The following MOXD1 variants were observed in gnomAD, a reference collection of about 807,000 sequenced individuals.
MOXD1 encodes monooxygenase DBH like 1, also known as DBH-like monooxygenase protein 1.
A neutral mutation model predicts 66.6 loss-of-function variants in MOXD1; 62 were observed. The ratio of observed to expected loss-of-function variants is 0.93; its 90% CI spans 0.76 to 1.15. The LOEUF is 1.15. Ranked by LOEUF, MOXD1 falls within the 50% of genes most tolerant of loss-of-function variation. The pLI is 0.00. For missense variants in MOXD1, 847 were observed against 754.6 expected (o/e 1.12, Z -1.44); for synonymous variants, 303 against 281.9 (o/e 1.07, Z -0.75).
intron 4 of MOXD1, among the ~76,000 whole-genome samples, chr6:132,364,925 G>C (rs1483776910): frequency 6.6e-6 from 1 of 152,104 alleles, no homozygotes; most frequent in African/African-American, 2.4e-5. Context: ...CAGTTGCTCT[G>C]ACCCTGTAGG....
chr6:132,299,791 A>G (rs920132519), intron 10 of MOXD1, among the ~76,000 whole-genome samples: 2 of 152,228 alleles, frequency 1.3e-5, no homozygotes, highest in Non-Finnish European at 2.9e-5. Flanking sequence ...TAACATCCCA[A>G]GATGTTACAG....
At chr6:132,356,548 T>C (rs1392923379) in intron 4 of MOXD1, among the ~76,000 whole-genome samples, 1 of 152,200 alleles carries the variant, frequency 6.6e-6, no homozygotes, top group African/African-American at 2.4e-5. Flanking sequence ...CACCAATACA[T>C]AACGATATAC....
rs1369735508 is a variant in MOXD1 at position 132,401,223 on chromosome 6, C to G, written c.204G>C (p.Gly68=). Residue 68 remains glycine, a synonymous_variant, in exon 1 of 12, where the codon GGG becomes GGC. Coordinates refer to ENST00000367963, the MANE Select transcript of MOXD1 (RefSeq NM_015529.4). ...CGACGATGTCGGCGGACGCCATGGCCCCGGTGGGCGAGAAGCCGAAGCCCA... is the reference window on the plus strand; with the variant it reads ...CGACGATGTCGGCGGACGCCATGGCGCCGGTGGGCGAGAAGCCGAAGCCCA... The part of the protein sequence containing the change: ...GYVGFGFSPT[G]AMASADIVVG... 1 of 1,576,086 alleles carries G rather than the reference C, an allele frequency of 6.3e-7. No individual in the cohort carries two copies. The highest frequency in any genetic ancestry group is 1.7e-5 in the Admixed American group (1 of 57,464).
intron 4 of MOXD1, among the ~76,000 whole-genome samples, chr6:132,368,357 C>A (rs1776187184): frequency 6.6e-6 from 1 of 152,034 alleles, no homozygotes; most frequent in Admixed American, 6.6e-5. Flanking sequence ...AAGAGATGAC[C>A]TCACATGAGA....
At chr6:132,367,987 T>C (rs552136597) in intron 4 of MOXD1, among the ~76,000 whole-genome samples, 1 of 152,136 alleles carries the variant, frequency 6.6e-6, no homozygotes, top group Admixed American at 6.6e-5. Flanking sequence ...GTTTTTCTTT[T>C]TTTCTCCCCT....
chr6:132,372,256 G>A (rs1053270135), intron 4 of MOXD1, among the ~76,000 whole-genome samples: 6 of 152,100 alleles, frequency 3.9e-5, no homozygotes, highest in African/African-American at 1.4e-4. Flanking sequence ...GGTGAGGAAT[G>A]TAACCTTCAT....
intron 10 of MOXD1, among the ~76,000 whole-genome samples, chr6:132,303,385 G>C (rs988517849): frequency 6.6e-6 from 1 of 151,938 alleles, no homozygotes; most frequent in African/African-American, 2.4e-5. Context: ...GTTGCCCCTT[G>C]GTATCCATGG....
At chr6:132,356,927 T>TA (rs1775920343) in intron 4 of MOXD1, among the ~76,000 whole-genome samples, 1 of 152,080 alleles carries the variant, frequency 6.6e-6, no homozygotes, top group African/African-American at 2.4e-5. Context: ...AAGAGGGCAC[T>TA]ACTACTTTTT....
chr6:132,401,201 C>A lies in MOXD1; in HGVS notation c.226G>T (p.Val76Phe), dbSNP rs1562304615. ...CGCCCGTGGGCCACCCCGCCCACGA[C>A]GATGTCGGCGGACGCCATGGCCCCG... Reference protein sequence around the residue: ...PTGAMASADIVVGGVAHGRPY... With the variant: ...PTGAMASADIFVGGVAHGRPY... Residue 76 changes from valine to phenylalanine, a missense_variant, in exon 1 of 12, where the codon GTC becomes TTC. Transcript: ENST00000367963. 1 of 1,554,848 alleles carries A rather than the reference C, an allele frequency of 6.4e-7. No individual in the cohort carries two copies. The highest frequency in any genetic ancestry group is 8.6e-7 in the Non-Finnish European group (1 of 1,158,630).
intron 4 of MOXD1, among the ~76,000 whole-genome samples, chr6:132,360,810 A>C (rs1021928998): frequency 6.6e-6 from 1 of 152,216 alleles, no homozygotes; most frequent in African/African-American, 2.4e-5. Flanking sequence ...AGATACTCTG[A>C]TTCTTCCTCA....
At chr6:132,327,592 A>G (rs530552448) in intron 6 of MOXD1, among the ~76,000 whole-genome samples, 48 of 152,314 alleles carry the variant, frequency 3.2e-4, no homozygotes, top group African/African-American at 1.1e-3. Flanking sequence ...GAGTACATCT[A>G]TGGTTTGCTT....
At chr6:132,379,600 G>A (rs1019214067) in intron 1 of MOXD1, among the ~76,000 whole-genome samples, 19 of 152,108 alleles carry the variant, frequency 1.2e-4, no homozygotes, top group Non-Finnish European at 2.8e-4. Flanking sequence ...TTATATTTCT[G>A]TCTTCATATT....
chr6:132,312,862 T>C (rs1582563885), intron 10 of MOXD1, among the ~76,000 whole-genome samples: 1 of 151,832 alleles, frequency 6.6e-6, no homozygotes, highest in South Asian at 2.1e-4. Context: ...AACATACAGC[T>C]TTTAATATCC....
At position 132,333,555 on chromosome 6, in the gene MOXD1, C is replaced by G. The variant is rs186655482; in HGVS notation, c.664-4961G>C. On this transcript the variant is annotated intron_variant, in intron 4 of 11. Coordinates refer to ENST00000367963, the MANE Select transcript of MOXD1 (RefSeq NM_015529.4). Reference sequence around the variant, plus strand: ...AATATAGATATATTGGTATTCCTGACACTGGAATGAACATTTAATTTAATC... The same window carrying G: ...AATATAGATATATTGGTATTCCTGAGACTGGAATGAACATTTAATTTAATC... 3.2e-3 allele frequency among the ~76,000 whole-genome samples: 493 copies of G among 152,192 alleles called. 5 individuals are homozygous for G. Among genetic ancestry groups the G allele is most frequent in the African/African-American group, 0.011 (455 of 41,512 alleles).
At chr6:132,302,378 T>C (rs1197201232) in intron 10 of MOXD1, among the ~76,000 whole-genome samples, 1 of 152,016 alleles carries the variant, frequency 6.6e-6, no homozygotes, top group Non-Finnish European at 1.5e-5. Flanking sequence ...CATCAACAAG[T>C]ATGTAAATGT....
At chr6:132,337,442 A>G (rs1775463509) in intron 4 of MOXD1, among the ~76,000 whole-genome samples, 1 of 152,252 alleles carries the variant, frequency 6.6e-6, no homozygotes, top group Non-Finnish European at 1.5e-5. Flanking sequence ...TTACTTCAGT[A>G]AATGCCCTTG....
At chr6:132,365,015 T>C (rs1456419505) in intron 4 of MOXD1, among the ~76,000 whole-genome samples, 1 of 152,144 alleles carries the variant, frequency 6.6e-6, no homozygotes, top group Non-Finnish European at 1.5e-5. Flanking sequence ...ATACTTTACA[T>C]TTGCAGCCTT....
chr6:132,317,351 C>T (rs371605144), intron 9 of MOXD1, among the ~76,000 whole-genome samples: 4 of 152,218 alleles, frequency 2.6e-5, no homozygotes, highest in South Asian at 4.1e-4. Context: ...TGCTGATGTG[C>T]AAATGAAGTT....
chr6:132,383,720 A>G (rs1463033470), intron 1 of MOXD1, among the ~76,000 whole-genome samples: 1 of 152,202 alleles, frequency 6.6e-6, no homozygotes, highest in African/African-American at 2.4e-5. Context: ...AGACTACACC[A>G]TCTGAATAAG....
Sources: allele counts gnomAD v4.1 joint callset (sites outside exome capture counted in the v4.1 genomes callset), GRCh38; gene constraint gnomAD v4.1.1; transcripts MANE v1.5; gene names NCBI Gene and HGNC (gene_info 2026-07-23, HGNC 2026-07-21).